PTPRN2: variants seen among roughly 807,000 people sequenced by gnomAD.
The protein encoded by PTPRN2 is protein tyrosine phosphatase receptor type N2.
In PTPRN2, 74 loss-of-function variants were observed where a neutral mutation model predicts 118.8. The ratio of observed to expected loss-of-function variants is 0.62; its 90% CI spans 0.52 to 0.76. PTPRN2 has a LOEUF of 0.76. PTPRN2 is among the 30% of genes least tolerant of loss of function. The pLI, the probability that PTPRN2 is intolerant of heterozygous loss-of-function variation, is 0.00. For synonymous variants in PTPRN2, 641 were observed against 608.0 expected (o/e 1.05, Z -0.80); for missense variants, 1,481 against 1,394.4 (o/e 1.06, Z -0.99).
intron 12 of PTPRN2, among the ~76,000 whole-genome samples, chr7:157,754,128 G>A (rs1471520473): frequency 2.0e-5 from 3 of 152,228 alleles, no homozygotes; most frequent in Admixed American, 6.5e-5. Context: ...GAAAACAATC[G>A]TCCACTGTGG....
rs1300085086 is a variant in PTPRN2 at position 158,540,227 on chromosome 7, C to T, written c.112+47331G>A. On this transcript the variant is annotated intron_variant, in intron 1 of 22. Coordinates refer to ENST00000389418, the MANE Select transcript of PTPRN2 (RefSeq NM_002847.5). ...TTCTTGTCTCTGCAGCCGGGGGCTC[C>T]CAGGAGCCTCGGGCCCACCAAGGCA... Among the ~76,000 whole-genome samples, 4 of 152,198 alleles carry T rather than the reference C, an allele frequency of 2.6e-5. No individual in the cohort carries two copies. In the South Asian group the frequency reaches 6.2e-4, roughly 24 times the overall value.
intron 12 of PTPRN2, among the ~76,000 whole-genome samples, chr7:157,882,349 G>A (rs1210416025): frequency 1.4e-5 from 2 of 147,418 alleles, no homozygotes; most frequent in African/African-American, 5.1e-5. Context: ...ATGACTGTTG[G>A]AGAACAGAAC....
At chr7:158,149,351 A>G (rs1053497797) in intron 6 of PTPRN2, among the ~76,000 whole-genome samples, 5 of 152,176 alleles carry the variant, frequency 3.3e-5, no homozygotes, top group Admixed American at 2.6e-4. Flanking sequence ...ATTAACAACT[A>G]CATTGACATA....
At chr7:158,172,849 C>A (rs1223451121) in intron 5 of PTPRN2, among the ~76,000 whole-genome samples, 1 of 142,260 alleles carries the variant, frequency 7.0e-6, no homozygotes, top group Non-Finnish European at 1.5e-5. Context: ...CCATCATCAA[C>A]TTCACCATCC....
chr7:158,407,863 G>T (rs1021625355), intron 2 of PTPRN2, among the ~76,000 whole-genome samples: 4 of 152,196 alleles, frequency 2.6e-5, no homozygotes, highest in African/African-American at 4.8e-5. Context: ...GTGATTAGCT[G>T]GGAGGTTTGG....
intron 11 of PTPRN2, among the ~76,000 whole-genome samples, chr7:157,938,177 G>T (rs551665939): frequency 7.7e-4 from 117 of 152,374 alleles, no homozygotes; most frequent in Non-Finnish European, 1.3e-3. Flanking sequence ...TGCACGCACA[G>T]ATTACACTTT....
At chr7:157,643,174 A>T (rs1304297967) in intron 14 of PTPRN2, among the ~76,000 whole-genome samples, 1 of 152,236 alleles carries the variant, frequency 6.6e-6, no homozygotes, top group African/African-American at 2.4e-5. Flanking sequence ...CTCTTCCTAT[A>T]GACTCAGCCA....
chr7:158,387,951 CAT>C (rs1811631037), intron 2 of PTPRN2, among the ~76,000 whole-genome samples: 1 of 152,198 alleles, frequency 6.6e-6, no homozygotes. Context: ...TGTACACACA[CAT>C]ATATCTCTAT....
intron 5 of PTPRN2, among the ~76,000 whole-genome samples, chr7:158,168,001 A>C (rs1823186086): frequency 6.6e-6 from 1 of 152,162 alleles, no homozygotes; most frequent in African/African-American, 2.4e-5. Context: ...TGTGTTTTCA[A>C]TTCTCTTGGG....
At chr7:157,575,282 T>C (rs1799971077) in intron 19 of PTPRN2, among the ~76,000 whole-genome samples, 1 of 152,360 alleles carries the variant, frequency 6.6e-6, no homozygotes, top group Middle Eastern at 3.4e-3. Flanking sequence ...GATTTCTACA[T>C]AGTATGTCTT....
intron 2 of PTPRN2, among the ~76,000 whole-genome samples, chr7:158,457,365 T>G (rs954453250): frequency 6.6e-6 from 1 of 152,196 alleles, no homozygotes; most frequent in Non-Finnish European, 1.5e-5. Flanking sequence ...CTCTGGACAC[T>G]TCCAGCGGGC....
Position 158,273,627 on chromosome 7 carries a change from T to A in PTPRN2, c.277+43192A>T, listed in dbSNP as rs377144061. On this transcript the variant is annotated intron_variant, in intron 3 of 22. Coordinates refer to ENST00000389418, the MANE Select transcript of PTPRN2 (RefSeq NM_002847.5). Reference sequence around the variant, plus strand: ...CCGCAGACACGGGGAGCCGCAGGCATGGGGGAGCCGCAGACAGACATGGGA... The same window carrying A: ...CCGCAGACACGGGGAGCCGCAGGCAAGGGGGAGCCGCAGACAGACATGGGA... Among the ~76,000 whole-genome samples the A allele has an allele frequency of 2.6e-4, 8 of 30,928 alleles. 2 individuals are homozygous for A. Among genetic ancestry groups the A allele is most frequent in the African/African-American group, 1.1e-3 (6 of 5,566 alleles). 20.3% of individuals were successfully genotyped at this position (30,928 alleles called of 152,430 possible).
intron 12 of PTPRN2, among the ~76,000 whole-genome samples, chr7:157,839,789 G>A (rs1459098398): frequency 6.6e-6 from 1 of 151,898 alleles, no homozygotes; most frequent in African/African-American, 2.4e-5. Flanking sequence ...ATGTGTGGCT[G>A]TGTGGCCATA....
At chr7:157,847,401 G>A (rs1808917919) in intron 12 of PTPRN2, among the ~76,000 whole-genome samples, 1 of 151,216 alleles carries the variant, frequency 6.6e-6, no homozygotes, top group Non-Finnish European at 1.5e-5. Context: ...TGTGCCCAAT[G>A]TTTACAGAGC....
intron 5 of PTPRN2, among the ~76,000 whole-genome samples, chr7:158,173,717 C>T (rs1823923746): frequency 6.6e-6 from 1 of 152,184 alleles, no homozygotes. Flanking sequence ...AAGACAGACA[C>T]TCCCAGAACG....
rs1284814884 is a variant in PTPRN2, at chr7:158,577,062, G to A, written c.112+10496C>T. ...CAGCATGGGGCCTACACAACACTGAGGGCTGCCCACCCTGCCTGATGCCAC... is the reference window on the plus strand; with the variant it reads ...CAGCATGGGGCCTACACAACACTGAAGGCTGCCCACCCTGCCTGATGCCAC... On this transcript the variant is annotated intron_variant, in intron 1 of 22. Coordinates refer to ENST00000389418, the MANE Select transcript of PTPRN2 (RefSeq NM_002847.5). 2.8e-5 allele frequency among the ~76,000 whole-genome samples: 4 copies of A among 140,862 alleles called. No individual in the cohort carries two copies. The East Asian group carries it at 8.9e-4, about 31-fold the overall frequency. The allele number at this position is 140,862 out of a possible 152,430, so 92.4% of individuals were successfully genotyped here.
intron 5 of PTPRN2, among the ~76,000 whole-genome samples, chr7:158,191,985 G>T (rs1255066653): frequency 3.3e-5 from 5 of 152,164 alleles, no homozygotes; most frequent in African/African-American, 7.2e-5. Flanking sequence ...TGCTGTCCCG[G>T]ATCCTTTCTC....
In PTPRN2 at chr7:158,319,398, CCACACACACACACAGCCTCCCACACA is replaced by C. The variant is rs200450486; in HGVS notation, c.164-2492_164-2467del. ...CACATGCACACACACACACAGCCTCCCACACACACACACAGCCTCCCACACACACACACACACAGCCTCCCTCACAC... is the reference window on the plus strand; with the variant it reads ...CACATGCACACACACACACAGCCTCCCACACACACACAGCCTCCCTCACAC... On this transcript the variant is annotated intron_variant, in intron 2 of 22. Transcript: ENST00000389418. Among the ~76,000 whole-genome samples the C allele has an allele frequency of 1.0e-4, 12 of 118,918 alleles. 1 individual carries two copies. Among genetic ancestry groups the C allele is most frequent in the Admixed American group, 3.5e-4 (4 of 11,456 alleles). The allele number at this position is 118,918 out of a possible 152,430, so 78.0% of individuals were successfully genotyped here. A position where few individuals can be genotyped will look rare whatever the true frequency, so the allele number is the denominator to read the frequency against.
intron 14 of PTPRN2, among the ~76,000 whole-genome samples, chr7:157,642,097 C>G (rs1201375251): frequency 6.6e-6 from 1 of 152,248 alleles, no homozygotes; most frequent in African/African-American, 2.4e-5. Flanking sequence ...GCCCGACACT[C>G]CCGTCAAGGA....
Sources: allele counts gnomAD v4.1 joint callset (sites outside exome capture counted in the v4.1 genomes callset), GRCh38; gene constraint gnomAD v4.1.1; transcripts MANE v1.5; gene names NCBI Gene and HGNC (gene_info 2026-07-23, HGNC 2026-07-21).